SERINC1: variants seen among roughly 807,000 people sequenced by gnomAD.
SERINC1 encodes serine incorporator 1, also known as tumor differentially expressed protein 2.
A neutral mutation model predicts 52.9 loss-of-function variants in SERINC1; 38 were observed. That is an observed-to-expected ratio of 0.72 (90% CI 0.55 to 0.94). SERINC1 has a LOEUF of 0.94. Ranked by LOEUF, SERINC1 falls within the 40% of genes least tolerant of loss-of-function variation. The pLI is 0.00. For missense variants in SERINC1, 471 were observed against 533.9 expected, an observed-to-expected ratio of 0.88 and a Z score of 1.16; for synonymous variants, 198 against 183.1, an observed-to-expected ratio of 1.08 and a Z score of -0.66.
At chr6:122,457,894 TC>T (rs1775028547) in intron 2 of SERINC1, among the ~76,000 whole-genome samples, 1 of 152,028 alleles carries the variant, frequency 6.6e-6, no homozygotes, top group East Asian at 1.9e-4. Context: ...CCAATCTCCT[TC>T]CACAACCTGA....
rs1161591033 is a variant in SERINC1 at position 122,447,225 on chromosome 6, G to A, written c.891C>T (p.Tyr297=). The change falls in exon 8 of 10, where the codon TAC becomes TAT. Residue 297 remains tyrosine, a synonymous_variant. Coordinates refer to ENST00000339697, the MANE Select transcript of SERINC1 (RefSeq NM_020755.4). ...CNPSLLSIIG[Y]NTTSTVPKEG... Reference sequence around the variant, plus strand: ...CCTTTGGGACAGTGCTTGTTGTATTGTAGCCAATTATGCTTAGTAGACTTG... The same window carrying A: ...CCTTTGGGACAGTGCTTGTTGTATTATAGCCAATTATGCTTAGTAGACTTG... 2.5e-6 allele frequency: 4 copies of A among 1,612,508 alleles called. No homozygotes were observed. The highest frequency in any genetic ancestry group is 3.4e-6 in the Non-Finnish European group (4 of 1,178,774).
Position 122,446,958 on chromosome 6 carries a change from T to C in SERINC1, c.1042A>G (p.Ser348Gly). Residue 348 changes from serine to glycine, a missense_variant, in exon 9 of 10, where the codon AGT (serine) becomes GGT (glycine). Coordinates refer to ENST00000339697, the MANE Select transcript of SERINC1 (RefSeq NM_020755.4). ...NSQVNKLTLTSDESTLIEDGG... is the reference protein window; with the variant it reads ...NSQVNKLTLTGDESTLIEDGG... ...TCTTCTATTAATGTAGATTCATCAC[T>C]TGTTAGAGTCAGTTTATTAACCTGA... 1 of 1,613,660 alleles carries C rather than the reference T, an allele frequency of 6.2e-7. No homozygotes were observed. The highest frequency in any genetic ancestry group is 8.5e-7 in the Non-Finnish European group (1 of 1,179,536).
chr6:122,458,595 A>G lies in SERINC1; in HGVS notation c.126T>C (p.Tyr42=). Residue 42 remains tyrosine (Y), a synonymous_variant, in exon 2 of 10, where the codon TAT becomes TAC. Transcript: ENST00000339697. ...GNNSTVTRLI[Y]ALFLLVGVCV... ...ATACTCCAACAAGCAAGAAAAGTGC[A>G]TAGATCAATCTAGTTACAGTGGAGT... The G allele has an allele frequency of 6.2e-7, 1 of 1,613,366 alleles. No homozygotes were observed. Among genetic ancestry groups the G allele is most frequent in the Middle Eastern group, 1.7e-4 (1 of 6,060 alleles).
chr6:122,454,434 G>A (rs1284871634), intron 3 of SERINC1: 2 of 495,470 alleles, frequency 4.0e-6, no homozygotes, highest in African/African-American at 2.0e-5. Flanking sequence ...ATAGTTTGGA[G>A]AGAGAGTGAA....
rs1388050527 is a variant in SERINC1 at position 122,471,663 on chromosome 6, A to G, written c.39+36T>C. 4.3e-6 allele frequency: 7 copies of G among 1,613,734 alleles called. No individual in the cohort carries two copies. The Admixed American group carries it at 5.0e-5, about 12-fold the overall frequency. On this transcript the variant is annotated intron_variant, in intron 1 of 9. Transcript: ENST00000339697. ...CGGATCGCCTTCTCTTTGGTCTCTC[A>G]CACTAGCACCCCAGAGGCCGCAAAA... is the stretch of plus-strand genomic sequence containing the variant.
At position 122,458,540 on chromosome 6, in the gene SERINC1, T is replaced by C. The variant is rs2114484336; in HGVS notation, c.181A>G (p.Met61Val). ...CVACVMLIPG[M>V]EEQLNKIPGF... is the part of the protein sequence containing the mutation. The stretch of plus-strand genomic sequence containing the variant: ...CTAACCTTATTCAGTTGTTCTTCCA[T>C]TCCTGGTATCAACATTACACAAGCT... The change falls in exon 2 of 10, where the codon ATG becomes GTG. Residue 61 changes from methionine to valine, a missense_variant. Physicochemically the swap from Met to Val is conservative, Grantham distance 21 (BLOSUM62 1). Transcript: ENST00000339697. 1 of 1,612,938 alleles carries C rather than the reference T, an allele frequency of 6.2e-7. No individual in the cohort carries two copies. The highest frequency in any genetic ancestry group is 2.2e-5 in the East Asian group (1 of 44,838).
At chr6:122,468,051 G>A (rs980503497) in intron 1 of SERINC1, among the ~76,000 whole-genome samples, 1 of 152,088 alleles carries the variant, frequency 6.6e-6, no homozygotes, top group Non-Finnish European at 1.5e-5. Context: ...TTTCTTAAGC[G>A]CATAGAGAAG....
intron 7 of SERINC1, among the ~76,000 whole-genome samples, chr6:122,450,528 A>C (rs1774886369): frequency 6.6e-6 from 1 of 152,178 alleles, no homozygotes; most frequent in South Asian, 2.1e-4. Flanking sequence ...TCAACGTTTA[A>C]ATCTTATTAT....
At chr6:122,446,010 A>G (rs1024309725) in intron 9 of SERINC1, among the ~76,000 whole-genome samples, 41 of 152,152 alleles carry the variant, frequency 2.7e-4, no homozygotes, top group African/African-American at 9.6e-4. Context: ...ACATACAACA[A>G]AGAATAATCT....
chr6:122,469,748 G>A (rs578086328), intron 1 of SERINC1, among the ~76,000 whole-genome samples: 83 of 151,980 alleles, frequency 5.5e-4, no homozygotes, highest in African/African-American at 8.9e-4. Context: ...TAGTAGAGAC[G>A]GGGTTTCACC....
Position 122,461,352 on chromosome 6 carries a change from C to T in SERINC1, c.40-2671G>A, listed in dbSNP as rs374727959. Reference sequence around the variant, plus strand: ...CTGAGGAACAAAGAAATAAATCACACTTCTAGTAAGAAACGGTTCAAGCCT... The same window carrying T: ...CTGAGGAACAAAGAAATAAATCACATTTCTAGTAAGAAACGGTTCAAGCCT... On this transcript the variant is annotated intron_variant, in intron 1 of 9. Transcript: ENST00000339697. 8.5e-5 allele frequency among the ~76,000 whole-genome samples: 13 copies of T among 152,168 alleles called. No homozygotes were observed. The East Asian group carries it at 2.5e-3, about 29-fold the overall frequency.
chr6:122,446,894 T>A lies in SERINC1; in HGVS notation c.1106A>T (p.Asp369Val). ...ARSDGSLEDGDDVHRAVDNER... is the reference protein window; with the variant it reads ...ARSDGSLEDGVDVHRAVDNER... ...ATTATCTACAGCTCGGTGAACATCG[T>A]CCCCATCCTCCAGTGATCCATCACT... The change falls in exon 9 of 10, where the codon GAC (aspartate) becomes GTC (valine). Residue 369 changes from aspartate (D) to valine (V), a missense_variant. Physicochemically the swap from Asp to Val is radical, Grantham distance 152 (BLOSUM62 -3). Coordinates refer to ENST00000339697, the MANE Select transcript of SERINC1 (RefSeq NM_020755.4). 1.2e-6 allele frequency: 2 copies of A among 1,613,232 alleles called. No homozygotes were observed. The highest frequency in any genetic ancestry group is 1.7e-6 in the Non-Finnish European group (2 of 1,179,232).
At chr6:122,469,024 T>C (rs1775230648) in intron 1 of SERINC1, among the ~76,000 whole-genome samples, 2 of 152,154 alleles carry the variant, frequency 1.3e-5, no homozygotes, top group South Asian at 4.1e-4. Context: ...ATGTTTATAA[T>C]GTTTAAAGTA....
At chr6:122,452,109 A>C in intron 5 of SERINC1, 52 bp from the exon 6 acceptor site, 1 of 1,204,646 alleles carries the variant, frequency 8.3e-7, no homozygotes, top group Non-Finnish European at 1.1e-6. Context: ...AATTATTAGC[A>C]ATTAGAAATG....
In SERINC1 at chr6:122,444,462, G is replaced by T. The variant is rs1215303963; in HGVS notation, c.*582C>A. On this transcript the variant is annotated 3_prime_UTR_variant, in exon 10 of 10. Coordinates refer to ENST00000339697, the MANE Select transcript of SERINC1 (RefSeq NM_020755.4). ...GCAAAGGCCATCTCTACCCAAGTAA[G>T]ATTATTTACTCGTTATTCAATTTAG... The T allele has an allele frequency of 6.6e-6, 1 of 152,218 alleles. No homozygotes were observed. The highest frequency in any genetic ancestry group is 1.5e-5 in the Non-Finnish European group (1 of 68,080). 9.4% of individuals were successfully genotyped at this position (152,218 alleles called of 1,614,324 possible).
intron 1 of SERINC1, among the ~76,000 whole-genome samples, chr6:122,469,624 TCAGCTCA>T (rs1775241294): frequency 6.6e-6 from 1 of 152,200 alleles, no homozygotes; most frequent in Admixed American, 6.5e-5. Flanking sequence ...TGGCATGATC[TCAGCTCA>T]CTGCAACCTC....
At chr6:122,446,705 G>T in intron 9 of SERINC1, 69 bp downstream of exon 9, 1 of 1,020,404 alleles carries the variant, frequency 9.8e-7, no homozygotes, top group Non-Finnish European at 1.5e-6. Context: ...ATCACATCAT[G>T]GTTTCACAAG....
Position 122,443,749 on chromosome 6 carries a change from C to T in SERINC1, c.*1295G>A, listed in dbSNP as rs1383158876. 6.6e-6 allele frequency: 1 copy of T among 152,148 alleles called. No homozygotes were observed. The allele number at this position is 152,148 out of a possible 1,614,324, so 9.4% of individuals were successfully genotyped here. On this transcript the variant is annotated 3_prime_UTR_variant, in exon 10 of 10. Transcript: ENST00000339697. ...CAGCAATCCACATCACATAAATTAT[C>T]CACCAGTAATGAGGTGTAAAATCAA...
Position 122,454,193 on chromosome 6 carries a change from T to C in SERINC1, c.409A>G (p.Ile137Val), listed in dbSNP as rs1774959774. The change falls in exon 4 of 10, where the codon ATT becomes GTT. Residue 137 changes from isoleucine (I) to valine (V), a missense_variant. Coordinates refer to ENST00000339697, the MANE Select transcript of SERINC1 (RefSeq NM_020755.4). ...FFKFAAAIAI[I>V]IGAFFIPEGT... ...TCTGGAATGAAGAATGCCCCAATAA[T>C]AATTGCAATTGCTGCAGCAAATTTA... The C allele has an allele frequency of 6.3e-7, 1 of 1,588,858 alleles. No homozygotes were observed. The highest frequency in any genetic ancestry group is 8.6e-7 in the Non-Finnish European group (1 of 1,168,082).
Sources: gnomAD v4.1 joint callset for allele counts (sites outside exome capture counted in the v4.1 genomes callset) on GRCh38, gnomAD v4.1.1 for gene constraint, MANE v1.5 for transcripts, NCBI Gene and HGNC (gene_info 2026-07-23, HGNC 2026-07-21) for gene names.